The following SEMA3A variants were observed in gnomAD, a reference collection of about 807,000 sequenced individuals.
The protein encoded by SEMA3A is semaphorin 3A, also known as semaphorin-3A.
Under a neutral mutation model 97.9 loss-of-function variants are expected in SEMA3A, and 29 were observed. That is an observed-to-expected ratio of 0.30 (90% CI 0.22 to 0.40). SEMA3A has a LOEUF of 0.40. Ranked by LOEUF, SEMA3A falls within the 10% of genes least tolerant of loss-of-function variation. The pLI is 1.00. For missense variants in SEMA3A, 763 were observed against 951.3 expected, an observed-to-expected ratio of 0.80 and a Z score of 2.60; for synonymous variants, 321 against 323.7, an observed-to-expected ratio of 0.99 and a Z score of 0.09.
At chr7:84,395,412 A>T (rs1353482321) in intron 1 of SEMA3A, among the ~76,000 whole-genome samples, 1 of 152,102 alleles carries the variant, frequency 6.6e-6, no homozygotes, top group Non-Finnish European at 1.5e-5. Flanking sequence ...TTTCAGAAAC[A>T]TCATATATTA....
chr7:83,963,358 A>G lies in SEMA3A; in HGVS notation c.1718-11T>C. 3.1e-6 allele frequency: 5 copies of G among 1,603,650 alleles called. No homozygotes were observed. Among genetic ancestry groups the G allele is most frequent in the Non-Finnish European group, 4.3e-6 (5 of 1,173,684 alleles). On this transcript the variant is annotated splice_polypyrimidine_tract_variant and intron_variant, in intron 15 of 16. Coordinates refer to ENST00000265362, the MANE Select transcript of SEMA3A (RefSeq NM_006080.3). ...GGCCATGGTGATTATCTGGCCAGTG[A>G]TGAGAAAATGCAATGAGAAAATATT...
intron 1 of SEMA3A, among the ~76,000 whole-genome samples, chr7:84,437,782 A>C (rs1182087541): frequency 6.6e-6 from 1 of 152,012 alleles, no homozygotes; most frequent in Non-Finnish European, 1.5e-5. Flanking sequence ...AGAAAACTGT[A>C]ATATGTAAAT....
At chr7:84,049,374 G>C (rs139805072) in intron 5 of SEMA3A, among the ~76,000 whole-genome samples, 11 of 152,108 alleles carry the variant, frequency 7.2e-5, no homozygotes, top group Non-Finnish European at 1.3e-4. Context: ...TCTATGGGGA[G>C]TCTTATCAAT....
intron 1 of SEMA3A, among the ~76,000 whole-genome samples, chr7:84,484,651 A>T (rs942932878): frequency 1.3e-5 from 2 of 152,152 alleles, no homozygotes; most frequent in African/African-American, 4.8e-5. Context: ...TTATGTAAAA[A>T]TATAGCATTT....
chr7:84,049,883 G>T (rs1211790803), intron 5 of SEMA3A, among the ~76,000 whole-genome samples: 3 of 105,904 alleles, frequency 2.8e-5, no homozygotes, highest in Non-Finnish European at 5.3e-5. Flanking sequence ...CCCCACCACA[G>T]TCCCCAGAGT....
chr7:84,075,218 G>C (rs954089715), intron 4 of SEMA3A, among the ~76,000 whole-genome samples: 1 of 149,824 alleles, frequency 6.7e-6, no homozygotes, highest in Non-Finnish European at 1.5e-5. Context: ...CTGTTGCCCA[G>C]GCTGGAGTGC....
rs1360486810 is a variant in SEMA3A, at chr7:84,014,267, G to A, written c.752C>T (p.Ala251Val). 2 of 1,612,694 alleles carry A rather than the reference G, an allele frequency of 1.2e-6. No individual in the cohort carries two copies. The highest frequency in any genetic ancestry group is 1.3e-5 in the African/African-American group (1 of 74,732). ...TTTTCCAGAGTGTTCTCCATCTATT[G>A]CATTTTCACGGAAGAAAAAGTATAC... ...DKVYFFFREN[A>V]IDGEHSGKAT... The change falls in exon 7 of 17, where the codon GCA becomes GTA. Residue 251 changes from alanine to valine, a missense_variant. Ala to Val is a moderately conservative substitution (Grantham distance 64, BLOSUM62 0). Around this residue, in one of 2 missense-constraint regions of SEMA3A, gnomAD observed 678 missense variants for 881.3 expected, o/e 0.77. Transcript: ENST00000265362.
chr7:84,461,822 C>A (rs1354001849), intron 1 of SEMA3A, among the ~76,000 whole-genome samples: 1 of 152,014 alleles, frequency 6.6e-6, no homozygotes, highest in African/African-American at 2.4e-5. Flanking sequence ...AAGATTTATT[C>A]TATTCTTCTC....
At chr7:84,402,508 G>T (rs1803933640) in intron 1 of SEMA3A, among the ~76,000 whole-genome samples, 1 of 152,098 alleles carries the variant, frequency 6.6e-6, no homozygotes, top group East Asian at 1.9e-4. Context: ...GTATCCCAAA[G>T]AAAGGAAATC....
intron 1 of SEMA3A, among the ~76,000 whole-genome samples, chr7:84,448,333 A>T (rs1460231554): frequency 1.3e-5 from 2 of 152,324 alleles, no homozygotes; most frequent in Non-Finnish European, 2.9e-5. Context: ...AAAGAAATAA[A>T]ATCCAAGTTG....
chr7:84,408,065 C>T (rs557842505), intron 1 of SEMA3A, among the ~76,000 whole-genome samples: 1 of 152,168 alleles, frequency 6.6e-6, no homozygotes, highest in African/African-American at 2.4e-5. Context: ...AACTAAAGAG[C>T]TTCTGCACAG....
chr7:84,315,385 A>T (rs749210223), intron 2 of SEMA3A, among the ~76,000 whole-genome samples: 7 of 152,178 alleles, frequency 4.6e-5, no homozygotes, highest in African/African-American at 7.2e-5. Context: ...TTCTTGGATG[A>T]TCGACACAAT....
chr7:83,981,563 A>G, intron 13 of SEMA3A, 85 bp from the exon 14 acceptor site: 1 of 1,128,708 alleles, frequency 8.9e-7, no homozygotes, highest in Non-Finnish European at 1.2e-6. Flanking sequence ...ATTTATATAT[A>G]ACTTCTCAGA....
At chr7:84,052,258 A>G (rs2115627504) in intron 5 of SEMA3A, among the ~76,000 whole-genome samples, 1 of 152,022 alleles carries the variant, frequency 6.6e-6, no homozygotes, top group Non-Finnish European at 1.5e-5. Flanking sequence ...CTCTTTTTCT[A>G]TTGATTGGAA....
At chr7:84,234,712 C>T (rs1357446923) in intron 3 of SEMA3A, among the ~76,000 whole-genome samples, 5 of 152,072 alleles carry the variant, frequency 3.3e-5, no homozygotes, top group Non-Finnish European at 4.4e-5. Context: ...AGCCCCAACA[C>T]TCACTGCAGG....
At chr7:84,158,556 A>G (rs554800119) in intron 1 of SEMA3A, among the ~76,000 whole-genome samples, 1 of 152,308 alleles carries the variant, frequency 6.6e-6, no homozygotes, top group African/African-American at 2.4e-5. Flanking sequence ...CATTTATCAT[A>G]GGATGAAACT....
At chr7:84,489,606 G>A (rs1806667238) in intron 1 of SEMA3A, among the ~76,000 whole-genome samples, 1 of 152,118 alleles carries the variant, frequency 6.6e-6, no homozygotes, top group Non-Finnish European at 1.5e-5. Flanking sequence ...GGAATAATGG[G>A]AAGATGTAGC....
intron 4 of SEMA3A, among the ~76,000 whole-genome samples, chr7:84,062,560 G>A (rs569679403): frequency 8.9e-4 from 135 of 152,284 alleles, no homozygotes; most frequent in Admixed American, 1.8e-3. Context: ...CAGTGGGTGC[G>A]CGCACCACGC....
chr7:84,206,392 G>A (rs1798495295), intron 3 of SEMA3A, among the ~76,000 whole-genome samples: 1 of 140,852 alleles, frequency 7.1e-6, no homozygotes, highest in Non-Finnish European at 1.5e-5. Flanking sequence ...GCATGATCTT[G>A]GCTCACTGCA....
Sources: gnomAD v4.1 joint callset for allele counts (sites outside exome capture counted in the v4.1 genomes callset) on GRCh38, gnomAD v4.1.1 for gene constraint, gnomAD v4.1.1 regional missense constraint, MANE v1.5 for transcripts, NCBI Gene and HGNC (gene_info 2026-07-23, HGNC 2026-07-21) for gene names.